The following IQCJ variants were observed in gnomAD, a reference collection of about 807,000 sequenced individuals.
IQCJ encodes IQ domain-containing protein J.
A neutral mutation model predicts 11.0 loss-of-function variants in IQCJ; 9 were observed. The observed-to-expected ratio is 0.82, with a 90% CI of 0.49 to 1.43. IQCJ has a LOEUF of 1.43. Ranked by LOEUF, IQCJ falls within the 40% of genes most tolerant of loss-of-function variation. The probability of loss-of-function intolerance (pLI) is 0.00; values close to 1 mark genes in which losing one functional copy is unlikely to be tolerated. For missense variants in IQCJ, 146 were observed against 133.2 expected (o/e 1.10, Z -0.47); for synonymous variants, 55 against 51.3 (o/e 1.07, Z -0.31).
At chr3:159,204,708 T>TG (rs1263575982) in intron 1 of IQCJ, among the ~76,000 whole-genome samples, 11 of 152,214 alleles carry the variant, frequency 7.2e-5, no homozygotes, top group African/African-American at 2.7e-4. Context: ...ATCTTCAATC[T>TG]GCCATAATGA....
At chr3:159,071,831 C>T (rs1418677268) in intron 1 of IQCJ, among the ~76,000 whole-genome samples, 4 of 151,972 alleles carry the variant, frequency 2.6e-5, no homozygotes, top group East Asian at 3.9e-4. Flanking sequence ...TTATATTACC[C>T]CAAAATACCT....
chr3:159,150,658 T>C (rs530336542), intron 1 of IQCJ, among the ~76,000 whole-genome samples: 2 of 151,974 alleles, frequency 1.3e-5, no homozygotes, highest in South Asian at 2.1e-4. Context: ...GGTAAGAAAC[T>C]GCTTGTCCAT....
chr3:159,168,809 A>G (rs567819382), intron 1 of IQCJ, among the ~76,000 whole-genome samples: 1 of 137,406 alleles, frequency 7.3e-6, no homozygotes, highest in African/African-American at 3.3e-5. Context: ...GCCATATGTT[A>G]AAAAAAAAAC....
intron 1 of IQCJ, among the ~76,000 whole-genome samples, chr3:159,077,552 TA>T (rs1461715517): frequency 1.3e-5 from 2 of 152,112 alleles, no homozygotes; most frequent in Admixed American, 1.3e-4. Flanking sequence ...ATGAGAATAT[TA>T]AAAAGTATAC....
chr3:159,114,803 C>G (rs1718863324), intron 1 of IQCJ, among the ~76,000 whole-genome samples: 1 of 152,196 alleles, frequency 6.6e-6, no homozygotes. Context: ...ACCCCCTTCT[C>G]TTAGCTTTAC....
intron 1 of IQCJ, among the ~76,000 whole-genome samples, chr3:159,229,552 T>C (rs1323712717): frequency 6.6e-6 from 1 of 151,884 alleles, no homozygotes; most frequent in Non-Finnish European, 1.5e-5. Context: ...TAACACTTGA[T>C]TACGTTTTTG....
intron 1 of IQCJ, among the ~76,000 whole-genome samples, chr3:159,177,731 C>T (rs1020180357): frequency 6.6e-5 from 10 of 152,064 alleles, no homozygotes; most frequent in African/African-American, 1.4e-4. Flanking sequence ...AAAGAATAAC[C>T]GTTATTTTAG....
chr3:159,173,146 C>T (rs1044050740), intron 1 of IQCJ, among the ~76,000 whole-genome samples: 1 of 152,192 alleles, frequency 6.6e-6, no homozygotes, highest in Admixed American at 6.5e-5. Flanking sequence ...GCCATGCCAT[C>T]TTTAGGAGTA....
chr3:159,239,121 G>C (rs77821076), intron 1 of IQCJ, among the ~76,000 whole-genome samples: 5,047 of 152,084 alleles, frequency 0.033, 261 homozygotes, highest in African/African-American at 0.12. Context: ...AAGATCTGTG[G>C]AGTAACATGA....
intron 1 of IQCJ, among the ~76,000 whole-genome samples, chr3:159,118,762 T>G (rs1291767901): frequency 6.6e-6 from 1 of 152,208 alleles, no homozygotes; most frequent in Non-Finnish European, 1.5e-5. Context: ...AATCCTGGCA[T>G]ATCTTGTTAG....
intron 1 of IQCJ, among the ~76,000 whole-genome samples, chr3:159,187,739 A>G (rs1223054975): frequency 6.6e-6 from 1 of 152,230 alleles, no homozygotes; most frequent in East Asian, 1.9e-4. Flanking sequence ...TGTGTCTCAC[A>G]GTGTCCATCG....
At chr3:159,127,522 A>G (rs1719745181) in intron 1 of IQCJ, among the ~76,000 whole-genome samples, 1 of 152,190 alleles carries the variant, frequency 6.6e-6, no homozygotes, top group South Asian at 2.1e-4. Context: ...TTTAGCCATA[A>G]AGCATCTATT....
chr3:159,078,525 C>A (rs1414605573), intron 1 of IQCJ, among the ~76,000 whole-genome samples: 1 of 150,582 alleles, frequency 6.6e-6, no homozygotes, highest in Non-Finnish European at 1.5e-5. Context: ...GGACTCTTGG[C>A]TGTGTCTTGG....
At chr3:159,207,256 C>A (rs996471038) in intron 1 of IQCJ, among the ~76,000 whole-genome samples, 1 of 152,128 alleles carries the variant, frequency 6.6e-6, no homozygotes, top group African/African-American at 2.4e-5. Flanking sequence ...TGCCATAAAG[C>A]CAAACAATTA....
chr3:159,201,411 C>T (rs994493152), intron 1 of IQCJ, among the ~76,000 whole-genome samples: 4 of 151,808 alleles, frequency 2.6e-5, no homozygotes, highest in East Asian at 1.9e-4. Context: ...AGAAAAAATG[C>T]GACTTAGAAA....
intron 3 of IQCJ, among the ~76,000 whole-genome samples, chr3:159,258,339 C>A (rs1728012547): frequency 6.6e-6 from 1 of 152,180 alleles, no homozygotes; most frequent in Non-Finnish European, 1.5e-5. Flanking sequence ...CAAACTGAAC[C>A]AACCACGGCC....
intron 1 of IQCJ, among the ~76,000 whole-genome samples, chr3:159,145,490 T>C (rs1305158525): frequency 6.6e-6 from 1 of 152,144 alleles, no homozygotes; most frequent in African/African-American, 2.4e-5. Context: ...GATTTTTTTT[T>C]CACAGGAATA....
rs182672369 is a variant in IQCJ at position 159,106,506 on chromosome 3, G to A, written c.9+37065G>A. On this transcript the variant is annotated intron_variant, in intron 1 of 3. Coordinates refer to ENST00000397832, the MANE Select transcript of IQCJ (RefSeq NM_001042706.3). ...AGAGATTGAAGGAATGGCCATTGAG[G>A]TAGGAGGGTGGAGTGGGGTGGGGGA... Among the ~76,000 whole-genome samples the A allele has an allele frequency of 3.4e-3, 512 of 152,070 alleles. 1 individual carries two copies. The highest frequency in any genetic ancestry group is 0.012 in the African/African-American group (481 of 41,480).
At chr3:159,211,506 C>G (rs1377861584) in intron 1 of IQCJ, among the ~76,000 whole-genome samples, 2 of 152,222 alleles carry the variant, frequency 1.3e-5, no homozygotes, top group Non-Finnish European at 2.9e-5. Context: ...AGATGAGGGA[C>G]AAGTTGTGCC....
Sources: gnomAD v4.1 joint callset for allele counts (sites outside exome capture counted in the v4.1 genomes callset) on GRCh38, gnomAD v4.1.1 for gene constraint, MANE v1.5 for transcripts, NCBI Gene and HGNC (gene_info 2026-07-23, HGNC 2026-07-21) for gene names.